Variants in TBK1 observed in about 807,000 individuals in gnomAD.
The protein encoded by TBK1 is TANK binding kinase 1.
TBK1 carries 37 observed loss-of-function variants against 99.9 expected under a neutral mutation model. That is an observed-to-expected ratio of 0.37 (90% confidence interval 0.28 to 0.49). The LOEUF (loss-of-function observed/expected upper bound fraction) is 0.49. Among genes scored for constraint, TBK1 ranks in the 20% least tolerant of loss-of-function variants. The pLI is 0.98. For missense variants in TBK1, 644 were observed against 872.5 expected, an observed-to-expected ratio of 0.74 and a Z score of 3.30; for synonymous variants, 258 against 279.8, an observed-to-expected ratio of 0.92 and a Z score of 0.78.
intron 6 of TBK1, among the ~76,000 whole-genome samples, chr12:64,474,708 C>G (rs879636091): frequency 6.6e-6 from 1 of 152,144 alleles, no homozygotes; most frequent in Non-Finnish European, 1.5e-5. Context: ...TCAGCACTTT[C>G]CTCCCATACA....
At chr12:64,494,314 GAAA>G (rs1208674971) in intron 13 of TBK1, among the ~76,000 whole-genome samples, 57 of 142,352 alleles carry the variant, frequency 4.0e-4, no homozygotes, top group Admixed American at 9.9e-4. Context: ...AAAAAAAAAA[GAAA>G]AAAAAGAAAA....
intron 18 of TBK1, 55 bp downstream of exon 18, chr12:64,497,314 T>C: frequency 8.0e-7 from 1 of 1,255,190 alleles, no homozygotes. Flanking sequence ...TAACTGATAG[T>C]GATTGACAAG....
chr12:64,484,010 T>TACACACACACACACACACACACAC, intron 8 of TBK1: 1 of 154,590 alleles, frequency 6.5e-6, no homozygotes, highest in East Asian at 1.8e-4. Flanking sequence ...CTGTCTCACA[T>TACACACACACACACACACACACAC]ACACACACAC....
chr12:64,500,908 G>A (rs986348867), intron 20 of TBK1, among the ~76,000 whole-genome samples: 2 of 151,816 alleles, frequency 1.3e-5, no homozygotes, highest in Admixed American at 6.6e-5. Flanking sequence ...ATAGGCACAC[G>A]CTACCACACC....
intron 14 of TBK1, 23 bp downstream of exon 14, chr12:64,495,627 G>T: frequency 6.2e-7 from 1 of 1,613,210 alleles, no homozygotes; most frequent in South Asian, 1.1e-5. Flanking sequence ...TTTATGCGTA[G>T]TTTCTGCTCT....
chr12:64,485,266 T>TCAAA, intron 9 of TBK1, among the ~76,000 whole-genome samples, 189 bp from the exon 10 acceptor site: 1 of 152,188 alleles, frequency 6.6e-6, no homozygotes, highest in Non-Finnish European at 1.5e-5. Flanking sequence ...ATGAAACTCC[T>TCAAA]TAGAAATATT....
At chr12:64,495,434 T>C (rs1378250527) in intron 13 of TBK1, 49 bp from the exon 14 acceptor site, 1 of 1,599,366 alleles carries the variant, frequency 6.3e-7, no homozygotes, top group Admixed American at 1.8e-5. Context: ...ACTGTGATGA[T>C]CATTTCTGGC....
At chr12:64,457,551 A>G (rs1180332343) in intron 2 of TBK1, among the ~76,000 whole-genome samples, 2 of 152,220 alleles carry the variant, frequency 1.3e-5, no homozygotes, top group African/African-American at 2.4e-5. Context: ...GAATATTACT[A>G]TAGCTAATGT....
At chr12:64,455,167 G>C (rs1036980272) in intron 1 of TBK1, among the ~76,000 whole-genome samples, 3 of 151,360 alleles carry the variant, frequency 2.0e-5, no homozygotes, top group Admixed American at 2.0e-4. Flanking sequence ...TGTATTTTTT[G>C]TGGAGACGGG....
At chr12:64,489,212 A>C (rs1378606443) in intron 12 of TBK1, among the ~76,000 whole-genome samples, 1 of 152,236 alleles carries the variant, frequency 6.6e-6, no homozygotes, top group Non-Finnish European at 1.5e-5. Context: ...AACAAAGGAA[A>C]TAGGAAGAGA....
At chr12:64,483,832 C>T (rs1006144526) in intron 8 of TBK1, among the ~76,000 whole-genome samples, 2 of 152,108 alleles carry the variant, frequency 1.3e-5, no homozygotes, top group African/African-American at 4.8e-5. Flanking sequence ...CATGGCGTAA[C>T]CCTGTCTCTA....
At chr12:64,486,535 A>G (rs2040822305) in intron 11 of TBK1, among the ~76,000 whole-genome samples, 1 of 151,904 alleles carries the variant, frequency 6.6e-6, no homozygotes, top group African/African-American at 2.4e-5. Flanking sequence ...CCTGGCCTCA[A>G]GTGATCCTAC....
At chr12:64,493,699 G>T (rs1592374935) in intron 13 of TBK1, among the ~76,000 whole-genome samples, 1 of 152,106 alleles carries the variant, frequency 6.6e-6, no homozygotes, top group African/African-American at 2.4e-5. Context: ...TATTAGAAAT[G>T]CACATTTTGG....
intron 11 of TBK1, among the ~76,000 whole-genome samples, chr12:64,487,184 A>G (rs145067672): frequency 8.5e-5 from 13 of 152,314 alleles, no homozygotes; most frequent in Non-Finnish European, 1.5e-4. Flanking sequence ...TGGAAAATAC[A>G]TTATCTCTTT....
chr12:64,461,338 A>G (rs2040546857), intron 3 of TBK1, among the ~76,000 whole-genome samples: 1 of 152,152 alleles, frequency 6.6e-6, no homozygotes, highest in Non-Finnish European at 1.5e-5. Flanking sequence ...TAAGAATGTC[A>G]TTAGGAAAAG....
intron 5 of TBK1, among the ~76,000 whole-genome samples, chr12:64,471,560 C>CCAGG (rs1324907288): frequency 6.6e-6 from 1 of 152,060 alleles, no homozygotes; most frequent in Non-Finnish European, 1.5e-5. Context: ...ACCATGTTGG[C>CCAGG]CAGGCTAGTC....
intron 3 of TBK1, 137 bp from the exon 4 acceptor site, chr12:64,464,197 G>A: frequency 1.7e-6 from 1 of 602,322 alleles, no homozygotes; most frequent in Non-Finnish European, 2.7e-6. Flanking sequence ...ATGTTCAACA[G>A]ATACTGAATC....
At chr12:64,497,497 TGTATC>T (rs1327423286) in intron 18 of TBK1, 146 bp from the exon 19 acceptor site, 9 of 604,360 alleles carry the variant, frequency 1.5e-5, no homozygotes, top group Admixed American at 1.4e-4. Context: ...ATTTAAGTAT[TGTATC>T]ATCGATAGTT....
chr12:64,478,677 C>G (rs1357952924), intron 6 of TBK1, among the ~76,000 whole-genome samples: 2 of 152,120 alleles, frequency 1.3e-5, no homozygotes, highest in African/African-American at 2.4e-5. Flanking sequence ...AAGAAGACAC[C>G]TATTTAACTG....
Sources: allele counts gnomAD v4.1 joint callset (sites outside exome capture counted in the v4.1 genomes callset), GRCh38; gene constraint gnomAD v4.1.1; transcripts MANE v1.5; gene names NCBI Gene and HGNC (gene_info 2026-07-23, HGNC 2026-07-21).